The following TMEM131 variants were observed in gnomAD, a reference collection of about 807,000 sequenced individuals.
TMEM131 encodes 2610524E03Rik.
In TMEM131, 66 loss-of-function variants were observed where a neutral mutation model predicts 211.6. The observed-to-expected ratio is 0.31, with a 90% CI of 0.26 to 0.38. The LOEUF is 0.38. Among genes scored for constraint, TMEM131 ranks in the 10% least tolerant of loss-of-function variants. TMEM131 has a pLI of 1.00. For synonymous variants in TMEM131, 844 were observed against 841.3 expected, an observed-to-expected ratio of 1.00 and a Z score of -0.06; for missense variants, 2,036 against 2,299.3, an observed-to-expected ratio of 0.89 and a Z score of 2.34.
intron 4 of TMEM131, among the ~76,000 whole-genome samples, chr2:97,872,379 A>G (rs1218712943): frequency 6.6e-6 from 1 of 152,160 alleles, no homozygotes; most frequent in Non-Finnish European, 1.5e-5. Flanking sequence ...GGGCAAGCCA[A>G]TCAAAAAGCC....
At chr2:97,793,123 C>T in intron 30 of TMEM131, 139 bp from the exon 31 acceptor site, 1 of 691,922 alleles carries the variant, frequency 1.4e-6, no homozygotes, top group Non-Finnish European at 2.3e-6. Context: ...AGGGAAATTT[C>T]TACAACTCTC....
chr2:97,993,353 G>C (rs1311489884), intron 1 of TMEM131, among the ~76,000 whole-genome samples: 1 of 152,070 alleles, frequency 6.6e-6, no homozygotes, highest in Non-Finnish European at 1.5e-5. Context: ...TACCTTTTAG[G>C]ACAAATACTG....
At chr2:97,894,607 A>T (rs764449596) in intron 3 of TMEM131, among the ~76,000 whole-genome samples, 2 of 152,078 alleles carry the variant, frequency 1.3e-5, no homozygotes, top group African/African-American at 2.4e-5. Context: ...TATCCCTTGT[A>T]AGTTGGATTC....
chr2:97,793,416 A>G lies in TMEM131; in HGVS notation c.3524T>C (p.Val1175Ala). 1.2e-6 allele frequency: 2 copies of G among 1,613,568 alleles called. No individual in the cohort carries two copies. The highest frequency in any genetic ancestry group is 1.7e-6 in the Non-Finnish European group (2 of 1,179,582). ...VGRPFDLRRIVGISSEGNLNT... is the reference protein window; with the variant it reads ...VGRPFDLRRIAGISSEGNLNT... ...ATACTTTCCTTCAGATGAAATACCAACGATTCTCCTGAGATCAAATGGCCT... is the reference window on the plus strand; with the variant it reads ...ATACTTTCCTTCAGATGAAATACCAGCGATTCTCCTGAGATCAAATGGCCT... Residue 1175 changes from valine (V) to alanine (A), a missense_variant, in exon 30 of 41, where the codon GTT (valine) becomes GCT (alanine). Val to Ala is a moderately conservative substitution (Grantham distance 64). Transcript: ENST00000186436.
chr2:97,983,685 T>C (rs994785561), intron 1 of TMEM131, among the ~76,000 whole-genome samples: 1 of 152,204 alleles, frequency 6.6e-6, no homozygotes, highest in Non-Finnish European at 1.5e-5. Flanking sequence ...GGGCTGCCTT[T>C]GATCACTAGA....
At chr2:97,988,967 C>T (rs1680148179) in intron 1 of TMEM131, among the ~76,000 whole-genome samples, 1 of 152,156 alleles carries the variant, frequency 6.6e-6, no homozygotes, top group Non-Finnish European at 1.5e-5. Flanking sequence ...CTCAACTTCA[C>T]AGCATTAGTC....
intron 3 of TMEM131, among the ~76,000 whole-genome samples, chr2:97,893,174 G>C (rs1466914413): frequency 1.3e-5 from 2 of 152,180 alleles, no homozygotes; most frequent in Non-Finnish European, 2.9e-5. Flanking sequence ...AGTTTGCTGA[G>C]AATGATGGTT....
At chr2:97,834,545 A>G (rs1303251659) in intron 10 of TMEM131, 76 bp downstream of exon 10, 10 of 1,039,934 alleles carry the variant, frequency 9.6e-6, no homozygotes, top group Non-Finnish European at 1.2e-5. Flanking sequence ...ATTACATAGT[A>G]GAGCCATTCA....
chr2:97,948,946 C>T (rs1374259680), intron 1 of TMEM131, among the ~76,000 whole-genome samples: 1 of 152,168 alleles, frequency 6.6e-6, no homozygotes, highest in South Asian at 2.1e-4. Context: ...CGTGAGCCAC[C>T]GTGCCAGGCC....
chr2:97,772,926 G>A (rs976499159), intron 32 of TMEM131, among the ~76,000 whole-genome samples: 5 of 152,166 alleles, frequency 3.3e-5, no homozygotes, highest in Non-Finnish European at 7.4e-5. Flanking sequence ...TCTCGACTAC[G>A]TTTTGGTGAG....
intron 11 of TMEM131, 27 bp from the exon 12 acceptor site, chr2:97,818,748 T>C (rs1461866187): frequency 1.4e-6 from 2 of 1,436,942 alleles, no homozygotes; most frequent in South Asian, 2.4e-5. Flanking sequence ...AATACATACA[T>C]GGCATTATTT....
chr2:97,973,170 T>A (rs1229753449), intron 1 of TMEM131, among the ~76,000 whole-genome samples: 2 of 152,238 alleles, frequency 1.3e-5, no homozygotes, highest in Admixed American at 6.5e-5. Flanking sequence ...AAAAATTTTC[T>A]GTACCAAGAG....
In TMEM131 at chr2:97,757,251, T is replaced by G; in HGVS notation, c.5500A>C (p.Thr1834Pro). 6.2e-7 allele frequency: 1 copy of G among 1,613,946 alleles called. No homozygotes were observed. Among genetic ancestry groups the G allele is most frequent in the Non-Finnish European group, 8.5e-7 (1 of 1,179,884 alleles). Reference protein sequence around the residue: ...NTLASIGLMGTENSPAPHAPS... With the variant: ...NTLASIGLMGPENSPAPHAPS... Reference sequence around the variant, plus strand: ...GCGTGAGGAGCAGGGGAGTTTTCTGTGCCCATGAGGCCGATGCTTGCCAGC... The same window carrying G: ...GCGTGAGGAGCAGGGGAGTTTTCTGGGCCCATGAGGCCGATGCTTGCCAGC... Residue 1834 changes from threonine to proline, a missense_variant, in exon 41 of 41, where the codon ACA becomes CCA. This residue lies in a region of TMEM131 where 1,623 missense variants were observed against 1,805.9 expected (regional missense o/e 0.90). Coordinates refer to ENST00000186436, the MANE Select transcript of TMEM131 (RefSeq NM_015348.2).
chr2:97,893,097 T>A (rs1319312600), intron 3 of TMEM131, among the ~76,000 whole-genome samples: 1 of 152,116 alleles, frequency 6.6e-6, no homozygotes, highest in Admixed American at 6.5e-5. Context: ...TGCGTCCATG[T>A]GTTCTCATTG....
rs1218129786 is a variant in TMEM131, at chr2:97,844,084, A to C, written c.600+61T>G. On this transcript the variant is annotated intron_variant, in intron 6 of 40. Coordinates refer to ENST00000186436, the MANE Select transcript of TMEM131 (RefSeq NM_015348.2). ...GTTCCTGAGTTCTTAAAAGGCTGTC[A>C]TATGATAAGGCAGAGGTAATGATTA... is the stretch of plus-strand genomic sequence containing the variant. 4 of 463,800 alleles carry C rather than the reference A, an allele frequency of 8.6e-6. No individual in the cohort carries two copies. In the East Asian group the frequency reaches 1.5e-4, roughly 17 times the overall value. 28.7% of individuals were successfully genotyped at this position (463,800 alleles called of 1,614,324 possible).
rs551489848 is a variant in TMEM131 at position 97,943,566 on chromosome 2, A to AAT, written c.188-16081_188-16080dup. Among the ~76,000 whole-genome samples, 78 of 152,346 alleles carry AAT rather than the reference A, an allele frequency of 5.1e-4. 3 individuals are homozygous for AAT. The East Asian group carries it at 0.013, about 25-fold the overall frequency. On this transcript the variant is annotated intron_variant, in intron 1 of 40. Coordinates refer to ENST00000186436, the MANE Select transcript of TMEM131 (RefSeq NM_015348.2). The stretch of plus-strand genomic sequence containing the variant: ...CTGGTATTCATAAGCTAGAATACTT[A>AAT]ATAATGTTAAAATGGTAATATTCAG...
intron 8 of TMEM131, among the ~76,000 whole-genome samples, 192 bp from the exon 9 acceptor site, chr2:97,835,117 T>C (rs1682879966): frequency 6.6e-6 from 1 of 152,208 alleles, no homozygotes; most frequent in African/African-American, 2.4e-5. Context: ...GTGAAAAATG[T>C]GCTGTTTAGA....
chr2:97,777,179 A>G (rs937837029), intron 31 of TMEM131, among the ~76,000 whole-genome samples: 1 of 152,214 alleles, frequency 6.6e-6, no homozygotes, highest in African/African-American at 2.4e-5. Context: ...AGCACCTCAG[A>G]TTGTGCCTGC....
chr2:97,822,911 C>T (rs1180804328), intron 11 of TMEM131, among the ~76,000 whole-genome samples: 2 of 152,128 alleles, frequency 1.3e-5, no homozygotes, highest in Non-Finnish European at 2.9e-5. Context: ...AAAGATGTGG[C>T]TCATTTTTTT....
Sources: gnomAD v4.1 joint callset for allele counts (sites outside exome capture counted in the v4.1 genomes callset) on GRCh38, gnomAD v4.1.1 for gene constraint, gnomAD v4.1.1 regional missense constraint, MANE v1.5 for transcripts, NCBI Gene and HGNC (gene_info 2026-07-23, HGNC 2026-07-21) for gene names.